NAALADL2: variants seen among roughly 807,000 people sequenced by gnomAD.
NAALADL2 encodes the protein inactive N-acetylated-alpha-linked acidic dipeptidase-like protein 2.
A neutral mutation model predicts 87.2 loss-of-function variants in NAALADL2; 76 were observed. The ratio of observed to expected loss-of-function variants is 0.87; its 90% CI spans 0.72 to 1.05. The LOEUF (loss-of-function observed/expected upper bound fraction) is 1.05, where lower values mean the gene tolerates loss of function less well. Among genes scored for constraint, NAALADL2 ranks in the 50% least tolerant of loss-of-function variants. The probability of loss-of-function intolerance (pLI) is 0.00; values close to 1 mark genes in which losing one functional copy is unlikely to be tolerated. For synonymous variants in NAALADL2, 354 were observed against 331.0 expected (o/e 1.07, Z -0.75); for missense variants, 1,089 against 945.8 (o/e 1.15, Z -1.99).
chr3:174,580,797 G>A (rs116561739), intron 2 of NAALADL2, among the ~76,000 whole-genome samples: 16 of 152,062 alleles, frequency 1.1e-4, no homozygotes, highest in African/African-American at 3.4e-4. Flanking sequence ...ATGAACATTT[G>A]AGTGCAAAAT....
intron 2 of NAALADL2, among the ~76,000 whole-genome samples, chr3:175,131,972 A>C (rs1728029356): frequency 9.1e-6 from 1 of 109,320 alleles, no homozygotes; most frequent in Admixed American, 9.0e-5. Context: ...CACCTCCCGG[A>C]CGGGGCAGCT....
At chr3:174,830,653 G>T (rs1168345473) in intron 3 of NAALADL2, among the ~76,000 whole-genome samples, 3 of 152,132 alleles carry the variant, frequency 2.0e-5, no homozygotes, top group African/African-American at 7.2e-5. Context: ...GAAAGGCATT[G>T]GTAGCTTGAT....
chr3:175,700,226 T>A (rs1426083135), intron 11 of NAALADL2, among the ~76,000 whole-genome samples: 1 of 152,278 alleles, frequency 6.6e-6, no homozygotes, highest in Non-Finnish European at 1.5e-5. Flanking sequence ...TTTTGAACAA[T>A]GCTAAGTGCT....
At chr3:174,699,914 T>C (rs1729398246) in intron 2 of NAALADL2, among the ~76,000 whole-genome samples, 1 of 150,700 alleles carries the variant, frequency 6.6e-6, no homozygotes, top group Admixed American at 6.7e-5. Context: ...TTAGGGAAAC[T>C]TATTCCCCTT....
chr3:175,595,745 G>A (rs970578367), intron 10 of NAALADL2, among the ~76,000 whole-genome samples: 2 of 151,858 alleles, frequency 1.3e-5, no homozygotes, highest in Non-Finnish European at 2.9e-5. Flanking sequence ...AGAGACTACA[G>A]AAATGAATGG....
At chr3:175,166,810 A>G (rs1185933484) in intron 2 of NAALADL2, among the ~76,000 whole-genome samples, 1 of 152,084 alleles carries the variant, frequency 6.6e-6, no homozygotes, top group African/African-American at 2.4e-5. Flanking sequence ...ATAGCTTCTC[A>G]AACTTTGCAT....
intron 2 of NAALADL2, among the ~76,000 whole-genome samples, chr3:175,165,408 A>G (rs1188037485): frequency 6.6e-6 from 1 of 152,174 alleles, no homozygotes; most frequent in Non-Finnish European, 1.5e-5. Flanking sequence ...AAGTAAATCA[A>G]TAGAGGACCT....
In NAALADL2 at chr3:175,805,316, C is replaced by T. The variant is rs1486425853; in HGVS notation, c.*2113C>T. On this transcript the variant is annotated 3_prime_UTR_variant, in exon 14 of 14. Coordinates refer to ENST00000454872, the MANE Select transcript of NAALADL2 (RefSeq NM_207015.3). Reference sequence around the variant, plus strand: ...TTCATTTTGTTTAAAGATTGCGTACCTAGGTAAGTCACACTGTATAGATAA... The same window carrying T: ...TTCATTTTGTTTAAAGATTGCGTACTTAGGTAAGTCACACTGTATAGATAA... 6.6e-6 allele frequency: 1 copy of T among 151,840 alleles called. No homozygotes were observed. The highest frequency in any genetic ancestry group is 1.5e-5 in the Non-Finnish European group (1 of 67,874). The allele number at this position is 151,840 out of a possible 1,614,324, so 9.4% of individuals were successfully genotyped here.
At chr3:174,708,076 A>G (rs146277636) in intron 2 of NAALADL2, among the ~76,000 whole-genome samples, 3 of 152,158 alleles carry the variant, frequency 2.0e-5, no homozygotes, top group African/African-American at 4.8e-5. Flanking sequence ...TCCATAATCT[A>G]AGGAACCATA....
At chr3:174,706,990 G>C (rs1327914975) in intron 2 of NAALADL2, among the ~76,000 whole-genome samples, 4 of 152,144 alleles carry the variant, frequency 2.6e-5, no homozygotes, top group African/African-American at 9.7e-5. Context: ...TGAACGATAT[G>C]AACAGACACT....
At chr3:174,834,185 T>A (rs1424722509) in intron 3 of NAALADL2, among the ~76,000 whole-genome samples, 1 of 148,942 alleles carries the variant, frequency 6.7e-6, no homozygotes, top group Admixed American at 6.7e-5. Context: ...AAATGTATAT[T>A]GAGAGAGTAA....
chr3:175,234,638 C>T (rs1027504468), intron 3 of NAALADL2, among the ~76,000 whole-genome samples: 11 of 152,034 alleles, frequency 7.2e-5, no homozygotes, highest in South Asian at 4.1e-4. Context: ...TGAAACACAG[C>T]GCCCCTACTT....
chr3:174,528,222 T>G (rs910932342), intron 1 of NAALADL2, among the ~76,000 whole-genome samples: 9 of 152,200 alleles, frequency 5.9e-5, no homozygotes, highest in African/African-American at 1.7e-4. Flanking sequence ...TAGTACTGAA[T>G]AAAAATGCCT....
intron 1 of NAALADL2, among the ~76,000 whole-genome samples, chr3:174,962,433 G>GACATA (rs1742244873): frequency 1.9e-5 from 1 of 52,234 alleles, no homozygotes; most frequent in African/African-American, 6.4e-5. Flanking sequence ...ATATATATAT[G>GACATA]TATATTTTTA....
intron 2 of NAALADL2, among the ~76,000 whole-genome samples, chr3:175,161,410 A>C (rs1319290307): frequency 2.6e-5 from 4 of 152,188 alleles, no homozygotes; most frequent in Non-Finnish European, 4.4e-5. Flanking sequence ...TTTTCTTAGG[A>C]TATCACTACT....
rs552917873 is a variant in NAALADL2 at position 175,715,581 on chromosome 3, G to A, written c.1897-21725G>A. On this transcript the variant is annotated intron_variant, in intron 11 of 13. Coordinates refer to ENST00000454872, the MANE Select transcript of NAALADL2 (RefSeq NM_207015.3). ...TCAAAAATTAAACAAATGACTATAA[G>A]ATGGACACTCAAGGCTGGGCATGGT... is the stretch of plus-strand genomic sequence containing the variant. 9.9e-5 allele frequency among the ~76,000 whole-genome samples: 15 copies of A among 152,108 alleles called. No individual in the cohort carries two copies. The South Asian group carries it at 2.9e-3, about 29-fold the overall frequency.
chr3:175,570,238 T>C (rs558658461), intron 9 of NAALADL2, among the ~76,000 whole-genome samples: 2 of 152,294 alleles, frequency 1.3e-5, no homozygotes, highest in African/African-American at 4.8e-5. Flanking sequence ...AAGGTCAGCC[T>C]TTTTGTTCCA....
intron 3 of NAALADL2, among the ~76,000 whole-genome samples, chr3:174,806,567 C>T (rs1047856987): frequency 6.6e-6 from 1 of 152,160 alleles, no homozygotes; most frequent in South Asian, 2.1e-4. Flanking sequence ...AACAATCCTG[C>T]AAATTCTGTT....
rs146961621 is a variant in NAALADL2, at chr3:175,658,619, C to T, written c.1896+31233C>T. ...ACAACAAACAATCAGTTCTCCTAAC[C>T]CAGAAATGCTTCATATGGTTTCACA... On this transcript the variant is annotated intron_variant, in intron 11 of 13. Coordinates refer to ENST00000454872, the MANE Select transcript of NAALADL2 (RefSeq NM_207015.3). 1.7e-3 allele frequency among the ~76,000 whole-genome samples: 266 copies of T among 152,140 alleles called. 1 individual carries two copies. The highest frequency in any genetic ancestry group is 6.0e-3 in the African/African-American group (248 of 41,526).
Sources: allele counts gnomAD v4.1 joint callset (sites outside exome capture counted in the v4.1 genomes callset), GRCh38; gene constraint gnomAD v4.1.1; transcripts MANE v1.5; gene names NCBI Gene and HGNC (gene_info 2026-07-23, HGNC 2026-07-21).